SLC9A9: variants seen among roughly 807,000 people sequenced by gnomAD.
SLC9A9 encodes solute carrier family 9 member A9, also known as sodium/hydrogen exchanger 9.
Under a neutral mutation model 77.8 loss-of-function variants are expected in SLC9A9, and 62 were observed. The ratio of observed to expected loss-of-function variants is 0.80; its 90% CI spans 0.65 to 0.98. The LOEUF is 0.98. Ranked by LOEUF, SLC9A9 falls within the 50% of genes least tolerant of loss-of-function variation. SLC9A9 has a pLI of 0.00. For missense variants in SLC9A9, 775 were observed against 774.9 expected, an observed-to-expected ratio of 1.00 and a Z score of 0.00; for synonymous variants, 320 against 283.5, an observed-to-expected ratio of 1.13 and a Z score of -1.29.
chr3:143,603,233 T>C (rs1007585020), intron 6 of SLC9A9, among the ~76,000 whole-genome samples: 8 of 152,218 alleles, frequency 5.3e-5, no homozygotes, highest in African/African-American at 1.9e-4. Flanking sequence ...TGCTCACATC[T>C]GAGATTCTAG....
intron 14 of SLC9A9, among the ~76,000 whole-genome samples, chr3:143,316,802 G>T (rs146101408): frequency 1.3e-5 from 2 of 152,180 alleles, no homozygotes; most frequent in Non-Finnish European, 2.9e-5. Context: ...TTCATACTGA[G>T]CACTTAAGAC....
chr3:143,307,708 G>A (rs1402439980), intron 14 of SLC9A9, among the ~76,000 whole-genome samples: 2 of 152,144 alleles, frequency 1.3e-5, no homozygotes, highest in Non-Finnish European at 2.9e-5. Flanking sequence ...TGCAATGATA[G>A]CCAGTTGGCT....
intron 5 of SLC9A9, among the ~76,000 whole-genome samples, chr3:143,680,798 T>C (rs1011138964): frequency 2.0e-5 from 3 of 152,184 alleles, no homozygotes; most frequent in Non-Finnish European, 2.9e-5. Context: ...AGAACTTCTA[T>C]GCCAGTATCT....
chr3:143,794,509 G>C (rs974357364), intron 4 of SLC9A9, among the ~76,000 whole-genome samples: 3 of 152,020 alleles, frequency 2.0e-5, no homozygotes, highest in African/African-American at 7.2e-5. Context: ...CATTCTACAG[G>C]GTATTAACTG....
At chr3:143,413,650 C>T (rs573250059) in intron 12 of SLC9A9, among the ~76,000 whole-genome samples, 1 of 152,312 alleles carries the variant, frequency 6.6e-6, no homozygotes, top group South Asian at 2.1e-4. Flanking sequence ...TCAGCTCTGT[C>T]CTTGACCTAG....
At chr3:143,813,117 A>G (rs1273541257) in intron 2 of SLC9A9, among the ~76,000 whole-genome samples, 3 of 152,196 alleles carry the variant, frequency 2.0e-5, no homozygotes, top group Non-Finnish European at 4.4e-5. Flanking sequence ...TGCTGGTTTC[A>G]TATCTGTAAA....
At chr3:143,663,200 C>T (rs755362495) in intron 5 of SLC9A9, among the ~76,000 whole-genome samples, 4 of 152,188 alleles carry the variant, frequency 2.6e-5, no homozygotes, top group Non-Finnish European at 5.9e-5. Flanking sequence ...CAGCAAACTC[C>T]AACAGACGTG....
intron 6 of SLC9A9, among the ~76,000 whole-genome samples, chr3:143,617,267 T>C (rs1371103523): frequency 6.6e-6 from 1 of 152,240 alleles, no homozygotes; most frequent in Non-Finnish European, 1.5e-5. Flanking sequence ...TAAATAAAGT[T>C]TTATTGGAAC....
At chr3:143,586,714 C>T (rs144668263) in intron 6 of SLC9A9, among the ~76,000 whole-genome samples, 88 of 152,308 alleles carry the variant, frequency 5.8e-4, no homozygotes, top group African/African-American at 2.0e-3. Context: ...CATCTCCCTG[C>T]CCATTATTCT....
intron 4 of SLC9A9, among the ~76,000 whole-genome samples, chr3:143,746,412 C>T (rs1935197696): frequency 6.6e-6 from 1 of 152,182 alleles, no homozygotes; most frequent in Admixed American, 6.5e-5. Context: ...TCACACAGCA[C>T]TTAATACACT....
chr3:143,592,240 T>C (rs988318109), intron 6 of SLC9A9, among the ~76,000 whole-genome samples: 1 of 152,170 alleles, frequency 6.6e-6, no homozygotes, highest in African/African-American at 2.4e-5. Context: ...CAAGAGGACC[T>C]TGGTGGCTGG....
At chr3:143,728,892 A>G (rs543249969) in intron 4 of SLC9A9, among the ~76,000 whole-genome samples, 1 of 152,054 alleles carries the variant, frequency 6.6e-6, no homozygotes, top group African/African-American at 2.4e-5. Context: ...GAGATACATT[A>G]GAGGGGAGTG....
chr3:143,442,219 G>T (rs1299767683), intron 12 of SLC9A9, among the ~76,000 whole-genome samples: 1 of 152,128 alleles, frequency 6.6e-6, no homozygotes, highest in African/African-American at 2.4e-5. Context: ...AACAAGATGG[G>T]CTTCCTACAA....
chr3:143,369,183 GT>G lies in SLC9A9; in HGVS notation c.1525-5621del, dbSNP rs1455587946. Among the ~76,000 whole-genome samples the G allele has an allele frequency of 8.5e-5, 13 of 152,180 alleles. 1 individual carries two copies. The highest frequency in any genetic ancestry group is 1.8e-4 in the Non-Finnish European group (12 of 68,030). On this transcript the variant is annotated intron_variant, in intron 13 of 15. Transcript: ENST00000316549. Reference sequence around the variant, plus strand: ...AACTTTGTCTGTATAGTAGATCCAAGTTAATCCAGAGATAAATAAATTATTT... The same window carrying G: ...AACTTTGTCTGTATAGTAGATCCAAGTAATCCAGAGATAAATAAATTATTT...
intron 14 of SLC9A9, among the ~76,000 whole-genome samples, chr3:143,292,150 G>T (rs1450047028): frequency 6.6e-6 from 1 of 152,192 alleles, no homozygotes; most frequent in Non-Finnish European, 1.5e-5. Context: ...CAGAGCCAGA[G>T]GCCTTACATT....
chr3:143,575,096 C>G (rs536309543), intron 7 of SLC9A9, among the ~76,000 whole-genome samples: 35 of 152,306 alleles, frequency 2.3e-4, no homozygotes, highest in Non-Finnish European at 4.4e-4. Flanking sequence ...TGATTCTTGA[C>G]TCTGCCAGTG....
At chr3:143,453,747 G>C (rs66508148) in intron 12 of SLC9A9, among the ~76,000 whole-genome samples, 42,581 of 152,062 alleles carry the variant, frequency 0.28, 6,153 homozygotes, top group East Asian at 0.49. Flanking sequence ...GATAGATGCT[G>C]TTATTACCCC....
intron 8 of SLC9A9, among the ~76,000 whole-genome samples, chr3:143,568,964 T>C (rs1469953266): frequency 1.3e-5 from 2 of 152,124 alleles, no homozygotes; most frequent in Non-Finnish European, 2.9e-5. Flanking sequence ...GCTGAAAAGA[T>C]ACTTAACAAG....
intron 2 of SLC9A9, among the ~76,000 whole-genome samples, chr3:143,814,844 T>A (rs564288879): frequency 6.6e-6 from 1 of 152,040 alleles, no homozygotes; most frequent in Non-Finnish European, 1.5e-5. Flanking sequence ...TAGGAAGTGG[T>A]TTTTGATCAT....
Sources: gnomAD v4.1 joint callset for allele counts (sites outside exome capture counted in the v4.1 genomes callset) on GRCh38, gnomAD v4.1.1 for gene constraint, MANE v1.5 for transcripts, NCBI Gene and HGNC (gene_info 2026-07-23, HGNC 2026-07-21) for gene names.